The following CAMTA1 variants were observed in gnomAD, a reference collection of about 807,000 sequenced individuals.
CAMTA1 encodes calmodulin-binding transcription activator 1.
A neutral mutation model predicts 170.9 loss-of-function variants in CAMTA1; 27 were observed. The ratio of observed to expected loss-of-function variants is 0.16; its 90% CI spans 0.12 to 0.22. The LOEUF is 0.22. Among genes scored for constraint, CAMTA1 ranks in the 10% least tolerant of loss-of-function variants. The pLI, the probability that CAMTA1 is intolerant of heterozygous loss-of-function variation, is 1.00. For synonymous variants in CAMTA1, 833 were observed against 891.5 expected (o/e 0.93, Z 1.17); for missense variants, 1,619 against 2,217.2 (o/e 0.73, Z 5.42).
At chr1:7,349,437 T>G (rs2084484653) in intron 5 of CAMTA1, among the ~76,000 whole-genome samples, 1 of 152,240 alleles carries the variant, frequency 6.6e-6, no homozygotes, top group African/African-American at 2.4e-5. Context: ...CTGTCTGTCA[T>G]TGACATGTGT....
Position 7,766,474 on chromosome 1 carries a change from A to C in CAMTA1, c.5005A>C (p.Lys1669Gln). The C allele has an allele frequency of 6.2e-7, 1 of 1,614,162 alleles. No individual in the cohort carries two copies. Among genetic ancestry groups the C allele is most frequent in the South Asian group, 1.1e-5 (1 of 91,078 alleles). The change falls in exon 23 of 23, where the codon AAA becomes CAA. Residue 1669 changes from lysine to glutamine, a missense_variant. This residue lies in a region of CAMTA1 where 128 missense variants were observed against 213.5 expected (regional missense o/e 0.60). Transcript: ENST00000303635. ...RLYKRSERIE[K>Q]GQGT ...TCTCTTCCAGAGTGAAAGAATTGAA[A>C]AAGGCCAAGGAACTTGAAGACATAC...
rs1373772020 is a variant in CAMTA1, at chr1:7,673,891, A to G, written c.2779+2854A>G. Among the ~76,000 whole-genome samples the G allele has an allele frequency of 6.6e-6, 1 of 152,192 alleles. No homozygotes were observed. Among genetic ancestry groups the G allele is most frequent in the Non-Finnish European group, 1.5e-5 (1 of 68,042 alleles). ...TGGAATGGAGCAAACAATAAGACCC[A>G]GCTTCTCACCGGGCCCCTGATCGTA... On this transcript the variant is annotated intron_variant, in intron 10 of 22. Transcript: ENST00000303635. The surrounding 1 kb of genome is among the most constrained non-coding windows in gnomAD (Gnocchi z 4.6).
At chr1:7,054,342 C>T (rs1370394239) in intron 3 of CAMTA1, among the ~76,000 whole-genome samples, 1 of 152,268 alleles carries the variant, frequency 6.6e-6, no homozygotes, top group Non-Finnish European at 1.5e-5. Context: ...GAAGCAGCCT[C>T]CTGGGTCTTT....
intron 2 of CAMTA1, among the ~76,000 whole-genome samples, chr1:6,824,689 A>C (rs1646909481): frequency 6.6e-6 from 1 of 152,230 alleles, no homozygotes; most frequent in South Asian, 2.1e-4. Flanking sequence ...TATTACTATA[A>C]TTCTTCTTAC....
At chr1:7,337,998 A>G (rs2083518005) in intron 5 of CAMTA1, among the ~76,000 whole-genome samples, 1 of 142,550 alleles carries the variant, frequency 7.0e-6, no homozygotes, top group South Asian at 2.1e-4. Flanking sequence ...TATATACTAT[A>G]TATAGCTACA....
chr1:7,439,272 G>A (rs1352000200), intron 5 of CAMTA1, among the ~76,000 whole-genome samples: 1 of 152,156 alleles, frequency 6.6e-6, no homozygotes, highest in African/African-American at 2.4e-5. Flanking sequence ...CCTCCTAGGT[G>A]GGGGATCTGT....
Position 7,398,158 on chromosome 1 carries a change from T to TCC in CAMTA1, c.439-69671_439-69670insCC, listed in dbSNP as rs1557650944. ...GAAGTTAGATATAATAATATTGCTC[T>TCC]CTCTCTCTCTCTCTCTCTCTCTCTC... On this transcript the variant is annotated intron_variant, in intron 5 of 22. Coordinates refer to ENST00000303635, the MANE Select transcript of CAMTA1 (RefSeq NM_015215.4). 8.1e-3 allele frequency among the ~76,000 whole-genome samples: 189 copies of TCC among 23,464 alleles called. 1 individual carries two copies. The highest frequency in any genetic ancestry group is 0.064 in the East Asian group (48 of 746). The allele number at this position is 23,464 out of a possible 152,430, so 15.4% of individuals were successfully genotyped here. A position where few individuals can be genotyped will look rare whatever the true frequency, so the allele number is the denominator to read the frequency against.
intron 5 of CAMTA1, among the ~76,000 whole-genome samples, chr1:7,448,919 G>C (rs1054479444): frequency 6.6e-6 from 1 of 152,214 alleles, no homozygotes; most frequent in Non-Finnish European, 1.5e-5. Flanking sequence ...TGCTTGCTCT[G>C]AGGCAGCGAT....
chr1:7,746,706 C>G (rs1244566992), intron 18 of CAMTA1, among the ~76,000 whole-genome samples: 1 of 152,196 alleles, frequency 6.6e-6, no homozygotes, highest in Non-Finnish European at 1.5e-5. Context: ...GGTGCAATCT[C>G]TGCTCACTGC....
At chr1:7,545,756 C>G (rs972879724) in intron 6 of CAMTA1, among the ~76,000 whole-genome samples, 2 of 151,976 alleles carry the variant, frequency 1.3e-5, no homozygotes, top group African/African-American at 4.8e-5. Flanking sequence ...AGACATGTGC[C>G]ATGGTGGCTT....
intron 6 of CAMTA1, among the ~76,000 whole-genome samples, chr1:7,531,216 G>A (rs1269276723): frequency 6.6e-6 from 1 of 152,160 alleles, no homozygotes; most frequent in African/African-American, 2.4e-5. Flanking sequence ...GAATAGTAAA[G>A]TCCCGGTGAG....
intron 11 of CAMTA1, among the ~76,000 whole-genome samples, chr1:7,719,320 G>T (rs1290711548): frequency 6.6e-6 from 1 of 152,190 alleles, no homozygotes; most frequent in Non-Finnish European, 1.5e-5. Flanking sequence ...AGTATTGAAA[G>T]ATTTCAAATG....
chr1:6,944,292 T>G (rs1263331631), intron 3 of CAMTA1, among the ~76,000 whole-genome samples: 1 of 152,192 alleles, frequency 6.6e-6, no homozygotes, highest in Non-Finnish European at 1.5e-5. Context: ...CTTGGGTTAT[T>G]GAGAACTATG....
intron 6 of CAMTA1, among the ~76,000 whole-genome samples, chr1:7,639,560 C>A (rs1264060022): frequency 6.6e-6 from 1 of 152,040 alleles, no homozygotes; most frequent in Non-Finnish European, 1.5e-5. Flanking sequence ...ATTGCTTGAA[C>A]CCAGGAGTTC....
chr1:6,848,400 C>T (rs1357463941), intron 3 of CAMTA1, among the ~76,000 whole-genome samples: 2 of 152,208 alleles, frequency 1.3e-5, no homozygotes, highest in South Asian at 2.1e-4. Flanking sequence ...CCTCCCGTTT[C>T]GTCCTCCCAA....
At chr1:6,943,588 C>T (rs1687065463) in intron 3 of CAMTA1, among the ~76,000 whole-genome samples, 1 of 152,070 alleles carries the variant, frequency 6.6e-6, no homozygotes, top group Admixed American at 6.5e-5. Context: ...GTGGCTCACA[C>T]CTGTAATCCC....
In CAMTA1 at chr1:7,067,152, G is replaced by A. The variant is rs1441201412; in HGVS notation, c.235-24152G>A. Among the ~76,000 whole-genome samples the A allele has an allele frequency of 6.6e-6, 1 of 152,226 alleles. No individual in the cohort carries two copies. The highest frequency in any genetic ancestry group is 1.9e-4 in the East Asian group (1 of 5,194). On this transcript the variant is annotated intron_variant, in intron 3 of 22. Coordinates refer to ENST00000303635, the MANE Select transcript of CAMTA1 (RefSeq NM_015215.4). The surrounding 1 kb of genome is among the most constrained non-coding windows in gnomAD (Gnocchi z 4.3). ...ACTGTCTCATCAGAAGTTGGCTGGA[G>A]TGTTGGGAATTGGAAGGGCAGGGAG... is the stretch of plus-strand genomic sequence containing the variant.
At chr1:7,449,275 C>T (rs1285959339) in intron 5 of CAMTA1, among the ~76,000 whole-genome samples, 7 of 152,204 alleles carry the variant, frequency 4.6e-5, no homozygotes, top group South Asian at 2.1e-4. Flanking sequence ...CTGCACCCAA[C>T]GTGGTGTGCG....
Position 7,293,645 on chromosome 1 carries a change from G to C in CAMTA1, c.438+44019G>C, listed in dbSNP as rs993594879. ...GCTTGGTATTTCAATAAGATTGAAG[G>C]GGGGTGGAAATAGATTGCATCCCAC... On this transcript the variant is annotated intron_variant, in intron 5 of 22. Transcript: ENST00000303635. The surrounding 1 kb of genome is among the most constrained non-coding windows in gnomAD (Gnocchi z 4.1). 6.6e-6 allele frequency among the ~76,000 whole-genome samples: 1 copy of C among 152,204 alleles called. No individual in the cohort carries two copies. The highest frequency in any genetic ancestry group is 2.4e-5 in the African/African-American group (1 of 41,452).
Sources: allele counts gnomAD v4.1 joint callset (sites outside exome capture counted in the v4.1 genomes callset), GRCh38; gene constraint gnomAD v4.1.1; regional missense constraint gnomAD v4.1.1; non-coding constraint Gnocchi (gnomAD v3.1); transcripts MANE v1.5; gene names NCBI Gene and HGNC (gene_info 2026-07-23, HGNC 2026-07-21).